The following ANK3 variants were observed in gnomAD, a reference collection of about 807,000 sequenced individuals.
ANK3 encodes the protein ankyrin 3, also known as ankyrin-3.
A neutral mutation model predicts 370.9 loss-of-function variants in ANK3; 57 were observed. The ratio of observed to expected loss-of-function variants is 0.15; its 90% CI spans 0.12 to 0.19. The LOEUF (loss-of-function observed/expected upper bound fraction) is 0.19. Among genes scored for constraint, ANK3 ranks in the 10% least tolerant of loss-of-function variants. The pLI is 1.00. For synonymous variants in ANK3, 1,929 were observed against 1,946.3 expected (o/e 0.99, Z 0.23); for missense variants, 4,439 against 5,302.1 (o/e 0.84, Z 5.06).
At chr10:60,411,543 G>A (rs940533172) in intron 2 of ANK3, among the ~76,000 whole-genome samples, 1 of 152,184 alleles carries the variant, frequency 6.6e-6, no homozygotes. Flanking sequence ...AGGGGTGGAG[G>A]TGGGGAACAC....
chr10:60,652,744 T>C (rs1365443453), intron 1 of ANK3, among the ~76,000 whole-genome samples: 1 of 149,254 alleles, frequency 6.7e-6, no homozygotes, highest in Admixed American at 6.7e-5. Flanking sequence ...CCACGAAGGT[T>C]CCAGTCTGAT....
intron 7 of ANK3, among the ~76,000 whole-genome samples, chr10:60,240,302 A>ATTTTTTT (rs1170312298): frequency 3.4e-5 from 3 of 88,126 alleles, no homozygotes; most frequent in East Asian, 3.5e-4. Context: ...ATATATATAT[A>ATTTTTTT]TATATTTTTT....
At chr10:60,503,091 T>C (rs965027268) in intron 2 of ANK3, among the ~76,000 whole-genome samples, 1 of 152,198 alleles carries the variant, frequency 6.6e-6, no homozygotes, top group African/African-American at 2.4e-5. Context: ...CTCTCATACA[T>C]AAACAATCAG....
intron 1 of ANK3, among the ~76,000 whole-genome samples, chr10:60,632,000 C>T (rs2078490352): frequency 6.6e-6 from 1 of 152,126 alleles, no homozygotes; most frequent in Admixed American, 6.5e-5. Flanking sequence ...AGTCTAGTCT[C>T]AGCCAAGGAA....
At position 60,461,820 on chromosome 10, in the gene ANK3, T is replaced by A. The variant is rs1229917778; in HGVS notation, c.96+153366A>T. Among the ~76,000 whole-genome samples, 10 of 152,102 alleles carry A rather than the reference T, an allele frequency of 6.6e-5. No homozygotes were observed. In the East Asian group the frequency reaches 1.7e-3, roughly 26 times the overall value. ...TTCACCCCTGACAGAGTAAAGAGATTGATATGAAAATAGCTTCTCCTCACA... is the reference window on the plus strand; with the variant it reads ...TTCACCCCTGACAGAGTAAAGAGATAGATATGAAAATAGCTTCTCCTCACA... On this transcript the variant is annotated intron_variant, in intron 2 of 43. Coordinates refer to the ANK3 transcript ENST00000373827.
intron 7 of ANK3, among the ~76,000 whole-genome samples, chr10:60,247,821 C>T (rs939629020): frequency 3.9e-5 from 6 of 152,166 alleles, no homozygotes; most frequent in African/African-American, 9.7e-5. Flanking sequence ...GTGCACATCA[C>T]CACACCCAGC....
chr10:60,180,594 CAAAAAA>C (rs58386273), intron 18 of ANK3, among the ~76,000 whole-genome samples: 1 of 63,414 alleles, frequency 1.6e-5, no homozygotes, highest in Non-Finnish European at 2.7e-5. Context: ...GACTCCGTCT[CAAAAAA>C]AAAAAAAAAA....
chr10:60,324,774 T>C (rs1160590906), intron 1 of ANK3, among the ~76,000 whole-genome samples: 8 of 152,192 alleles, frequency 5.3e-5, no homozygotes, highest in Admixed American at 5.2e-4. Flanking sequence ...CCAACCAAGA[T>C]TATCTATTAA....
At chr10:60,445,547 TAA>T (rs879406291) in intron 2 of ANK3, among the ~76,000 whole-genome samples, 14 of 139,442 alleles carry the variant, frequency 1.0e-4, no homozygotes, top group Admixed American at 1.4e-4. Flanking sequence ...TATCTTCTAC[TAA>T]AAAAAAAAAA....
Position 60,064,163 on chromosome 10 carries a change from C to T in ANK3, c.12445G>A (p.Ala4149Thr). 6.4e-7 allele frequency: 1 copy of T among 1,554,348 alleles called. No individual in the cohort carries two copies. The highest frequency in any genetic ancestry group is 8.6e-7 in the Non-Finnish European group (1 of 1,161,136). ...KKWVTRDGKNATTDALTSVLT... is the reference protein window; with the variant it reads ...KKWVTRDGKNTTTDALTSVLT... ...TAATATAATTTCGGCATACTTGTGG[C>T]ATTTTTTCCGTCTCTGGTAACCCAT... The change falls in exon 39 of 44, where the codon GCC (alanine) becomes ACC (threonine). Residue 4149 changes from alanine (A) to threonine (T), a missense_variant. Physicochemically the swap from Ala to Thr is moderately conservative, Grantham distance 58. This residue lies in a region of ANK3 where 99 missense variants were observed against 150.7 expected (regional missense o/e 0.66). Transcript: ENST00000280772.
chr10:60,472,426 A>G (rs1401029559), intron 2 of ANK3, among the ~76,000 whole-genome samples: 1 of 152,204 alleles, frequency 6.6e-6, no homozygotes, highest in African/African-American at 2.4e-5. Context: ...TACTGTATTC[A>G]TTAGGAGAAT....
intron 1 of ANK3, among the ~76,000 whole-genome samples, chr10:60,303,750 G>T (rs1336247014): frequency 6.6e-6 from 1 of 152,068 alleles, no homozygotes; most frequent in East Asian, 1.9e-4. Flanking sequence ...TATTGCCAAA[G>T]AAATAAAATC....
intron 25 of ANK3, among the ~76,000 whole-genome samples, chr10:60,133,078 C>T (rs976611858): frequency 1.3e-5 from 2 of 152,162 alleles, no homozygotes; most frequent in Admixed American, 6.5e-5. Context: ...TAGGTCTAGA[C>T]ATCAGCATCT....
In ANK3 at chr10:60,070,839, T is replaced by C. The variant is rs146213267; in HGVS notation, c.10042A>G (p.Lys3348Glu). 40 of 1,614,048 alleles carry C rather than the reference T, an allele frequency of 2.5e-5. No homozygotes were observed. Among genetic ancestry groups the C allele is most frequent in the Non-Finnish European group, 3.4e-5 (40 of 1,180,028 alleles). Residue 3348 changes from lysine to glutamate, a missense_variant, in exon 37 of 44, where the codon AAA becomes GAA. Lys to Glu is a moderately conservative substitution (Grantham distance 56). This residue lies in a region of ANK3 where 1,601 missense variants were observed against 1,731.7 expected (regional missense o/e 0.92). Coordinates refer to ENST00000280772, the MANE Select transcript of ANK3 (RefSeq NM_020987.5). This position sits in a 1 kb window ranked among gnomAD's most constrained non-coding sequence, Gnocchi z 5.7. ...TTGGAAGCCTTTTCAGCAGAAGCTTTGGGTTTTTCTTTTTGTTCATCGTCC... is the reference window on the plus strand; with the variant it reads ...TTGGAAGCCTTTTCAGCAGAAGCTTCGGGTTTTTCTTTTTGTTCATCGTCC... ...EVDDEQKEKP[K>E]ASAEKASNQK... is the part of the protein sequence containing the mutation.
At chr10:60,686,329 G>A (rs2079267734) in intron 1 of ANK3, among the ~76,000 whole-genome samples, 1 of 152,206 alleles carries the variant, frequency 6.6e-6, no homozygotes, top group Middle Eastern at 3.4e-3. Context: ...GCAAATTAAA[G>A]CCACAGTGAG....
chr10:60,662,919 T>C (rs942615178), intron 1 of ANK3, among the ~76,000 whole-genome samples: 1 of 152,200 alleles, frequency 6.6e-6, no homozygotes, highest in Non-Finnish European at 1.5e-5. Context: ...TACTGGGAAA[T>C]TTACAGAACA....
chr10:60,342,731 A>G (rs2054543253), intron 1 of ANK3, among the ~76,000 whole-genome samples: 1 of 152,300 alleles, frequency 6.6e-6, no homozygotes, highest in Non-Finnish European at 1.5e-5. Flanking sequence ...TCTAGGCAGA[A>G]ATGAGGTCAT....
At chr10:60,509,390 T>C (rs1460087460) in intron 2 of ANK3, among the ~76,000 whole-genome samples, 7 of 152,152 alleles carry the variant, frequency 4.6e-5, no homozygotes, top group South Asian at 4.1e-4. Flanking sequence ...CATAAACTAG[T>C]AGTATCCTCA....
At chr10:60,539,995 G>T (rs188437313) in intron 2 of ANK3, among the ~76,000 whole-genome samples, 2 of 152,052 alleles carry the variant, frequency 1.3e-5, no homozygotes, top group Admixed American at 1.3e-4. Context: ...TGGACAAGGG[G>T]TACATTTTGG....
Sources: allele counts gnomAD v4.1 joint callset (sites outside exome capture counted in the v4.1 genomes callset), GRCh38; gene constraint gnomAD v4.1.1; regional missense constraint gnomAD v4.1.1; non-coding constraint Gnocchi (gnomAD v3.1); transcripts MANE v1.5; gene names NCBI Gene and HGNC (gene_info 2026-07-23, HGNC 2026-07-21).